The following SLC9A6 variants were observed in gnomAD, a reference collection of about 807,000 sequenced individuals.
SLC9A6 encodes solute carrier family 9 member A6.
A neutral mutation model predicts 45.3 loss-of-function variants in SLC9A6; 6 were observed. The ratio of observed to expected loss-of-function variants is 0.13; its 90% confidence interval spans 0.07 to 0.26. SLC9A6 has a LOEUF of 0.26. Among genes scored for constraint, SLC9A6 ranks in the 10% least tolerant of loss-of-function variants. The probability of loss-of-function intolerance (pLI) is 1.00; values close to 1 mark genes in which losing one functional copy is unlikely to be tolerated. For missense variants in SLC9A6, 278 were observed against 503.7 expected (o/e 0.55, Z 4.29); for synonymous variants, 191 against 187.7 (o/e 1.02, Z -0.14).
At chrX:136,021,224 A>G (rs1556619903) in intron 11 of SLC9A6, among the ~76,000 whole-genome samples, 1 of 111,705 alleles carries the variant, frequency 9.0e-6, no homozygotes, top group Non-Finnish European at 1.9e-5. Context: ...GTTAAGCTCA[A>G]TATGGGTTCA....
Position 136,027,957 on chromosome X carries a change from C to T in SLC9A6, c.1461-929C>T, listed in dbSNP as rs1272964628. On this transcript the variant is annotated intron_variant, in intron 13 of 17. Coordinates refer to ENST00000630721, the MANE Select transcript of SLC9A6 (RefSeq NM_001379110.1). ...TCTATCATTTACTACACATGCTTTG[C>T]ACTTCTGCGTCTCTGAGCCTTTGCT... Among the ~76,000 whole-genome samples, 3 of 112,264 alleles carry T rather than the reference C, an allele frequency of 2.7e-5. No individual in the cohort carries two copies. In the East Asian group the frequency reaches 8.4e-4, roughly 31 times the overall value.
At chrX:136,022,176 T>C (rs1385268460) in intron 11 of SLC9A6, among the ~76,000 whole-genome samples, 1 of 111,781 alleles carries the variant, frequency 8.9e-6, no homozygotes, top group East Asian at 2.8e-4. Context: ...ACAATGAAAG[T>C]GAATTAACCT....
chrX:135,996,913 C>A (rs1370793845), intron 3 of SLC9A6, among the ~76,000 whole-genome samples: 5 of 109,116 alleles, frequency 4.6e-5, no homozygotes, highest in Non-Finnish European at 9.5e-5. Context: ...ACTACAGGCG[C>A]CCGCCACCAC....
intron 1 of SLC9A6, among the ~76,000 whole-genome samples, chrX:135,976,541 G>A (rs1029672445): frequency 4.6e-5 from 5 of 108,106 alleles, no homozygotes; most frequent in Admixed American, 9.9e-5. Flanking sequence ...GGCGGAGGTT[G>A]CAGTGAGCCG....
chrX:136,024,445 T>A lies in SLC9A6; in HGVS notation c.1422T>A (p.Gly474=). ...TGTTTTTTACCGTGTGGGTATTTGGTGGTGGCACCACTGCAATGCTGTCAT... is the reference window on the plus strand; with the variant it reads ...TGTTTTTTACCGTGTGGGTATTTGGAGGTGGCACCACTGCAATGCTGTCAT... ...LIVFFTVWVF[G]GGTTAMLSCL... The change falls in exon 13 of 18, where the codon GGT becomes GGA. Residue 474 remains glycine, a synonymous_variant. Transcript: ENST00000630721. 1 of 1,210,955 alleles carries A rather than the reference T, an allele frequency of 8.3e-7. No homozygotes were observed. Among genetic ancestry groups the A allele is most frequent in the Non-Finnish European group, 1.1e-6 (1 of 894,789 alleles).
At chrX:136,020,360 T>C (rs1396377430) in intron 11 of SLC9A6, among the ~76,000 whole-genome samples, 1 of 108,221 alleles carries the variant, frequency 9.2e-6, no homozygotes, top group Non-Finnish European at 1.9e-5. Flanking sequence ...TATTATTACT[T>C]TTTTTTTTGA....
At chrX:135,977,178 T>C (rs1342221323) in intron 1 of SLC9A6, among the ~76,000 whole-genome samples, 1 of 112,269 alleles carries the variant, frequency 8.9e-6, no homozygotes, top group Non-Finnish European at 1.9e-5. Flanking sequence ...AGAAAGTGCA[T>C]TTAAATTCCT....
chrX:136,004,341 G>A (rs782468816), intron 7 of SLC9A6, among the ~76,000 whole-genome samples: 6 of 109,442 alleles, frequency 5.5e-5, no homozygotes, highest in African/African-American at 2.0e-4. Flanking sequence ...CACCTGCCTC[G>A]GCCTCCCCAA....
intron 2 of SLC9A6, among the ~76,000 whole-genome samples, chrX:135,986,149 C>T (rs782503841): frequency 9.1e-6 from 1 of 110,362 alleles, no homozygotes; most frequent in South Asian, 3.9e-4. Flanking sequence ...CGAGTGGGCG[C>T]GGTGTCTGGA....
At chrX:136,030,987 A>G (rs1234216174) in intron 15 of SLC9A6, among the ~76,000 whole-genome samples, 1 of 112,140 alleles carries the variant, frequency 8.9e-6, no homozygotes, top group Non-Finnish European at 1.9e-5. Context: ...TAAAAAAAAC[A>G]TTTCTCAGAT....
chrX:135,976,631 C>A (rs1379269443), intron 1 of SLC9A6, among the ~76,000 whole-genome samples: 4 of 110,343 alleles, frequency 3.6e-5, no homozygotes, highest in African/African-American at 6.6e-5. Context: ...AAGAAAAAAA[C>A]CCTTTTAATA....
intron 2 of SLC9A6, among the ~76,000 whole-genome samples, chrX:135,991,056 A>G (rs1290128021): frequency 9.0e-6 from 1 of 111,335 alleles, no homozygotes; most frequent in Non-Finnish European, 1.9e-5. Flanking sequence ...TCAGTTTTTA[A>G]TTTTGTTTTT....
intron 3 of SLC9A6, among the ~76,000 whole-genome samples, chrX:135,996,737 T>G (rs1556616545): frequency 9.0e-6 from 1 of 111,567 alleles, no homozygotes; most frequent in African/African-American, 3.3e-5. Context: ...TCATTTATTT[T>G]TTGTTGTTGT....
chrX:135,996,712 T>C (rs900093746), intron 3 of SLC9A6, among the ~76,000 whole-genome samples: 1 of 111,920 alleles, frequency 8.9e-6, no homozygotes, highest in African/African-American at 3.2e-5. Flanking sequence ...ATTACCAGTT[T>C]GGGGTTTCAT....
At chrX:136,012,902 C>A in intron 8 of SLC9A6, 47 bp from the exon 9 acceptor site, 2 of 957,557 alleles carry the variant, frequency 2.1e-6, no homozygotes, top group Non-Finnish European at 3.0e-6. Context: ...TTTTTCTAGT[C>A]ACACTTTTGT....
Position 136,002,096 on chromosome X carries a change from T to C in SLC9A6, c.638-12T>C. The C allele has an allele frequency of 8.9e-7, 1 of 1,119,903 alleles. No individual in the cohort carries two copies. Among genetic ancestry groups the C allele is most frequent in the Non-Finnish European group, 1.2e-6 (1 of 811,809 alleles). 92.3% of individuals were successfully genotyped at this position (1,119,903 alleles called of 1,213,427 possible). Reference sequence around the variant, plus strand: ...ATGTCTAAGTATTCCTCTGACTCTTTTTACTTACTAGTGACTGTTCTTGCT... The same window carrying C: ...ATGTCTAAGTATTCCTCTGACTCTTCTTACTTACTAGTGACTGTTCTTGCT... On this transcript the variant is annotated splice_polypyrimidine_tract_variant and intron_variant, in intron 6 of 17. Transcript: ENST00000630721.
At chrX:136,030,921 A>T (rs970463845) in intron 15 of SLC9A6, among the ~76,000 whole-genome samples, 1 of 111,976 alleles carries the variant, frequency 8.9e-6, no homozygotes, top group African/African-American at 3.2e-5. Flanking sequence ...TCAAAACACA[A>T]TTTTTTTCTT....
intron 9 of SLC9A6, 53 bp downstream of exon 9, chrX:136,013,107 A>G: frequency 1.1e-6 from 1 of 932,190 alleles, no homozygotes; most frequent in East Asian, 3.1e-5. Flanking sequence ...TGACTTTGCC[A>G]GTCAATTTTG....
intron 12 of SLC9A6, among the ~76,000 whole-genome samples, chrX:136,024,065 T>C (rs1382599067): frequency 9.0e-6 from 1 of 110,872 alleles, no homozygotes; most frequent in African/African-American, 3.3e-5. Flanking sequence ...TTTTGTATTT[T>C]TAGTAGAGAT....
Sources: gnomAD v4.1 joint callset for allele counts (sites outside exome capture counted in the v4.1 genomes callset) on GRCh38, gnomAD v4.1.1 for gene constraint, MANE v1.5 for transcripts, NCBI Gene and HGNC (gene_info 2026-07-23, HGNC 2026-07-21) for gene names.